Variants in LOC128462377 observed in about 807,000 individuals in gnomAD.
the LOC128462377 span, among the ~76,000 whole-genome samples, chr16:89,359,445 G>A: frequency 1.3e-5 from 2 of 152,228 alleles, no homozygotes; most frequent in African/African-American, 4.8e-5. Flanking sequence ...CCAAGGAGCA[G>A]CGCACACGTC....
the LOC128462377 span, among the ~76,000 whole-genome samples, chr16:89,374,414 G>C: frequency 3.2e-4 from 48 of 152,202 alleles, no homozygotes; most frequent in South Asian, 9.7e-3. Flanking sequence ...TACATGGGCA[G>C]AGCTGAACGA....
chr16:89,413,645 T>C, the LOC128462377 span, among the ~76,000 whole-genome samples: 29 of 151,884 alleles, frequency 1.9e-4, 1 homozygote, highest in African/African-American at 5.6e-4. Context: ...ATAAAGGAAA[T>C]GGAAGTGAAC....
the LOC128462377 span, chr16:89,324,371 G>A: frequency 1.6e-4 from 128 of 816,142 alleles, 1 homozygote; most frequent in Middle Eastern, 1.9e-3. Flanking sequence ...CCAGGAGGGC[G>A]GCACGTGGGC....
At chr16:89,411,977 C>A in the LOC128462377 span, among the ~76,000 whole-genome samples, 1 of 125,460 alleles carries the variant, frequency 8.0e-6, no homozygotes, top group African/African-American at 3.1e-5. Flanking sequence ...CAGCCAGGTA[C>A]TGGGCTGAGA....
the LOC128462377 span, among the ~76,000 whole-genome samples, chr16:89,404,621 A>G: frequency 6.6e-6 from 1 of 152,170 alleles, no homozygotes; most frequent in Admixed American, 6.5e-5. Flanking sequence ...CTAGGTCAGG[A>G]GAAGACAGAC....
chr16:89,350,042 C>T, the LOC128462377 span, among the ~76,000 whole-genome samples: 1 of 152,056 alleles, frequency 6.6e-6, no homozygotes, highest in Non-Finnish European at 1.5e-5. Context: ...ACATGCTTCA[C>T]CAAAGCAAAT....
the LOC128462377 span, among the ~76,000 whole-genome samples, chr16:89,417,840 C>A: frequency 1.3e-5 from 2 of 150,970 alleles, no homozygotes; most frequent in Non-Finnish European, 2.9e-5. Flanking sequence ...GACAACCAGG[C>A]AAGACCACCA....
At chr16:89,407,376 G>A in the LOC128462377 span, among the ~76,000 whole-genome samples, 1 of 152,078 alleles carries the variant, frequency 6.6e-6, no homozygotes, top group African/African-American at 2.4e-5. Flanking sequence ...AAGAGACAAC[G>A]AGATAAAAGC....
the LOC128462377 span, among the ~76,000 whole-genome samples, chr16:89,415,852 A>AAAAAAAAAAAAAAAAAAAAAAAG: frequency 6.8e-6 from 1 of 147,366 alleles, no homozygotes; most frequent in African/African-American, 2.5e-5. Flanking sequence ...AAAAAAAAAC[A>AAAAAAAAAAAAAAAAAAAAAAAG]ATGGAGAACC....
chr16:89,346,773 G>A, the LOC128462377 span, among the ~76,000 whole-genome samples: 1 of 152,166 alleles, frequency 6.6e-6, no homozygotes, highest in Non-Finnish European at 1.5e-5. Context: ...ATCGCTAGAA[G>A]ACATCCCAAT....
At chr16:89,352,918 G>A in the LOC128462377 span, among the ~76,000 whole-genome samples, 1 of 152,040 alleles carries the variant, frequency 6.6e-6, no homozygotes, top group Non-Finnish European at 1.5e-5. Context: ...AAGCAAAGGG[G>A]GTCACTACAA....
At chr16:89,325,783 C>T in the LOC128462377 span, among the ~76,000 whole-genome samples, 2 of 152,178 alleles carry the variant, frequency 1.3e-5, no homozygotes, top group African/African-American at 4.8e-5. Flanking sequence ...CACACTATGT[C>T]CTTGCAAGGC....
At chr16:89,347,248 G>A in the LOC128462377 span, among the ~76,000 whole-genome samples, 2 of 152,296 alleles carry the variant, frequency 1.3e-5, no homozygotes, top group Admixed American at 1.3e-4. Context: ...TTGACAAGCT[G>A]ACACATAAGC....
the LOC128462377 span, among the ~76,000 whole-genome samples, chr16:89,352,286 CAGG>C: frequency 1.5e-4 from 23 of 151,996 alleles, no homozygotes; most frequent in East Asian, 3.3e-3. Flanking sequence ...TCACAGTGGC[CAGG>C]TATGCATCAC....
the LOC128462377 span, among the ~76,000 whole-genome samples, chr16:89,336,411 A>G: frequency 5.3e-5 from 8 of 152,344 alleles, no homozygotes; most frequent in East Asian, 1.5e-3. Context: ...GGAAGGAAGG[A>G]GTCTGTTTGC....
At chr16:89,386,388 C>G in the LOC128462377 span, among the ~76,000 whole-genome samples, 15 of 152,284 alleles carry the variant, frequency 9.9e-5, no homozygotes, top group East Asian at 2.9e-3. Flanking sequence ...GTCCACACTG[C>G]CCTGCTGCCC....
chr16:89,383,577 G>A, the LOC128462377 span, among the ~76,000 whole-genome samples: 1 of 152,228 alleles, frequency 6.6e-6, no homozygotes, highest in Non-Finnish European at 1.5e-5. Context: ...GCACGGCCAG[G>A]AATGGCCAAA....
chr16:89,366,083 T>C, the LOC128462377 span, among the ~76,000 whole-genome samples: 4,261 of 134,846 alleles, frequency 0.032, 140 homozygotes, highest in African/African-American at 0.085. Flanking sequence ...TGAGCTAAAA[T>C]GGCGCCACTG....
At chr16:89,369,494 G>GT in the LOC128462377 span, among the ~76,000 whole-genome samples, 2 of 152,226 alleles carry the variant, frequency 1.3e-5, no homozygotes, top group Admixed American at 1.3e-4. Flanking sequence ...AAGCTCTGCC[G>GT]TATCAGACAC....
Sources: gnomAD v4.1 joint callset for allele counts (sites outside exome capture counted in the v4.1 genomes callset) on GRCh38, gnomAD v4.1.1 for gene constraint, MANE v1.5 for transcripts.